The following PCDHGA4 variants were observed in gnomAD, a reference collection of about 807,000 sequenced individuals.
PCDHGA4 encodes the protein protocadherin gamma-A4.
Under a neutral mutation model 54.6 loss-of-function variants are expected in PCDHGA4, and 38 were observed. That is an observed-to-expected ratio of 0.70 (90% confidence interval 0.54 to 0.91). The LOEUF (loss-of-function observed/expected upper bound fraction) is 0.91, where lower values mean the gene tolerates loss of function less well. PCDHGA4 is among the 40% of genes least tolerant of loss of function. The pLI, the probability that PCDHGA4 is intolerant of heterozygous loss-of-function variation, is 0.00. For missense variants in PCDHGA4, 1,298 were observed against 1,220.9 expected (o/e 1.06, Z -0.94); for synonymous variants, 511 against 512.9 (o/e 1.00, Z 0.05).
In PCDHGA4 at chr5:141,489,514, C is replaced by T. The variant is rs141377711; in HGVS notation, c.2515-5293C>T. 63 of 1,613,926 alleles carry T rather than the reference C, an allele frequency of 3.9e-5. No homozygotes were observed. The highest frequency in any genetic ancestry group is 6.7e-5 in the Admixed American group (4 of 60,004). ...CCTGGCAGTGAATCAAAAGATTGAC[C>T]GAGAAAGCCTATGTGGAGCCAGCAC... On this transcript the variant is annotated intron_variant, in intron 1 of 3. Coordinates refer to ENST00000571252, the MANE Select transcript of PCDHGA4 (RefSeq NM_018917.4). This position sits in a 1 kb window ranked among gnomAD's most constrained non-coding sequence, Gnocchi z 4.5.
chr5:141,377,955 G>T (rs557013488), intron 1 of PCDHGA4: 12 of 152,140 alleles, frequency 7.9e-5, no homozygotes, highest in African/African-American at 2.9e-4. Flanking sequence ...GTGTATCCAG[G>T]GCAACTTGAA....
At chr5:141,471,046 C>G (rs960750377) in intron 1 of PCDHGA4, among the ~76,000 whole-genome samples, 3 of 113,280 alleles carry the variant, frequency 2.6e-5, no homozygotes, top group African/African-American at 1.1e-4. Context: ...CCCAAGCCCT[C>G]TTTTTTTTTT....
chr5:141,371,466 GA>G (rs756224078), intron 1 of PCDHGA4: 1 of 1,613,980 alleles, frequency 6.2e-7, no homozygotes, highest in Non-Finnish European at 8.5e-7. Context: ...ACATATACAA[GA>G]AGATGCTGAG....
At chr5:141,408,618 A>C (rs1264915663) in intron 1 of PCDHGA4, 1 of 1,614,024 alleles carries the variant, frequency 6.2e-7, no homozygotes, top group Admixed American at 1.7e-5. Flanking sequence ...AAGGAAATAC[A>C]TTTAGAAATT....
chr5:141,376,761 A>G (rs1179580742), intron 1 of PCDHGA4: 1 of 431,306 alleles, frequency 2.3e-6, no homozygotes, highest in African/African-American at 2.3e-5. Flanking sequence ...ATCTCGGCTC[A>G]CTGCAAGCTC....
In PCDHGA4 at chr5:141,485,308, A is replaced by G; in HGVS notation, c.2515-9499A>G. On this transcript the variant is annotated intron_variant, in intron 1 of 3. Coordinates refer to ENST00000571252, the MANE Select transcript of PCDHGA4 (RefSeq NM_018917.4). The surrounding 1 kb of genome is among the most constrained non-coding windows in gnomAD (Gnocchi z 5.7). ...AGGAGTCACAGGAAGGGACTTTTGTAGGGAATGTCGCTCAAGATTTCCTGC... is the reference window on the plus strand; with the variant it reads ...AGGAGTCACAGGAAGGGACTTTTGTGGGGAATGTCGCTCAAGATTTCCTGC... 6.2e-7 allele frequency: 1 copy of G among 1,614,112 alleles called. No individual in the cohort carries two copies. The highest frequency in any genetic ancestry group is 8.5e-7 in the Non-Finnish European group (1 of 1,179,996).
Position 141,492,511 on chromosome 5 carries a change from C to T in PCDHGA4, c.2515-2296C>T, listed in dbSNP as rs58889912. Among the ~76,000 whole-genome samples the T allele has an allele frequency of 1.7e-3, 262 of 152,326 alleles. 2 individuals are homozygous for T. The highest frequency in any genetic ancestry group is 6.0e-3 in the African/African-American group (249 of 41,582). On this transcript the variant is annotated intron_variant, in intron 1 of 3. Coordinates refer to ENST00000571252, the MANE Select transcript of PCDHGA4 (RefSeq NM_018917.4). Reference sequence around the variant, plus strand: ...CCAGGCGAGGACTCCGGAGCCTCCTCTCACCTCTCCCACCTGCGCCCCGGG... The same window carrying T: ...CCAGGCGAGGACTCCGGAGCCTCCTTTCACCTCTCCCACCTGCGCCCCGGG...
intron 3 of PCDHGA4, among the ~76,000 whole-genome samples, chr5:141,509,066 C>A (rs1215686419): frequency 6.6e-6 from 1 of 152,172 alleles, no homozygotes; most frequent in Non-Finnish European, 1.5e-5. Context: ...GCTCTCAGCT[C>A]CGGGGATTTG....
At chr5:141,451,557 G>T (rs192150041) in intron 1 of PCDHGA4, among the ~76,000 whole-genome samples, 2 of 152,234 alleles carry the variant, frequency 1.3e-5, no homozygotes, top group East Asian at 3.9e-4. Context: ...TGTGATGAAA[G>T]CCACAATCTT....
rs953397576 is a variant in PCDHGA4, at chr5:141,410,111, G to A, written c.2514+52490G>A. 6 of 1,612,264 alleles carry A rather than the reference G, an allele frequency of 3.7e-6. No homozygotes were observed. In the African/African-American group the frequency reaches 6.7e-5, roughly 18 times the overall value. On this transcript the variant is annotated intron_variant, in intron 1 of 3. Transcript: ENST00000571252. ...GGCTCGAGCCTTAGGCGACAGGGACGCAGCCCGCCAGCGCCTGCTGGTCGC... is the reference window on the plus strand; with the variant it reads ...GGCTCGAGCCTTAGGCGACAGGGACACAGCCCGCCAGCGCCTGCTGGTCGC...
At chr5:141,365,118 T>C (rs754097120) in intron 1 of PCDHGA4, 1 of 1,613,888 alleles carries the variant, frequency 6.2e-7, no homozygotes, top group Non-Finnish European at 8.5e-7. Context: ...CGGCTGCTCA[T>C]GCTAACCGCC....
intron 1 of PCDHGA4, chr5:141,384,713 C>T (rs1780398191): frequency 4.3e-6 from 7 of 1,614,104 alleles, no homozygotes; most frequent in Non-Finnish European, 5.9e-6. Context: ...GCCTGGCTGT[C>T]ATACCTCCTG....
chr5:141,418,928 A>T (rs762769886), intron 1 of PCDHGA4: 1 of 1,613,978 alleles, frequency 6.2e-7, no homozygotes, highest in East Asian at 2.2e-5. Context: ...TGATCAGATT[A>T]TGGAGGATTC....
rs1261694629 is a variant in PCDHGA4, at chr5:141,355,817, C to T, written c.710C>T (p.Ala237Val). 9.9e-6 allele frequency: 16 copies of T among 1,612,766 alleles called. No homozygotes were observed. Among genetic ancestry groups the T allele is most frequent in the African/African-American group, 5.3e-5 (4 of 74,906 alleles). Residue 237 changes from alanine (A) to valine (V), a missense_variant, in exon 1 of 4, where the codon GCG becomes GTG. Coordinates refer to ENST00000571252, the MANE Select transcript of PCDHGA4 (RefSeq NM_018917.4). ...LERALDREEEAVHHLVLTAFD... is the reference protein window; with the variant it reads ...LERALDREEEVVHHLVLTAFD... ...CGCGCTCTAGATCGCGAGGAAGAGGCGGTTCACCACCTCGTTCTCACGGCC... is the reference window on the plus strand; with the variant it reads ...CGCGCTCTAGATCGCGAGGAAGAGGTGGTTCACCACCTCGTTCTCACGGCC...
At chr5:141,366,184 G>T in intron 1 of PCDHGA4, 2 of 1,613,984 alleles carry the variant, frequency 1.2e-6, no homozygotes, top group South Asian at 1.1e-5. Flanking sequence ...GACTCTTTGC[G>T]GTTGGGCTGC....
chr5:141,402,785 CG>C, intron 1 of PCDHGA4: 1 of 904,572 alleles, frequency 1.1e-6, no homozygotes, highest in South Asian at 2.1e-5. Context: ...TCCAGTTCTG[CG>C]GCTACACAAA....
At chr5:141,481,346 C>T (rs2099536003) in intron 1 of PCDHGA4, among the ~76,000 whole-genome samples, 1 of 152,248 alleles carries the variant, frequency 6.6e-6, no homozygotes, top group Non-Finnish European at 1.5e-5. Context: ...ATTATTTAAA[C>T]ATCTACAGCT....
chr5:141,478,671 A>G (rs996413401), intron 1 of PCDHGA4: 19 of 1,551,538 alleles, frequency 1.2e-5, no homozygotes, highest in Non-Finnish European at 1.7e-5. Context: ...TCACACTTTC[A>G]ACTGGCCCTT....
intron 1 of PCDHGA4, chr5:141,366,063 C>G: frequency 6.2e-7 from 1 of 1,614,246 alleles, no homozygotes; most frequent in Non-Finnish European, 8.5e-7. Flanking sequence ...GTGGAGCTGG[C>G]GCCTCGCTCC....
Sources: gnomAD v4.1 joint callset for allele counts (sites outside exome capture counted in the v4.1 genomes callset) on GRCh38, gnomAD v4.1.1 for gene constraint, Gnocchi (gnomAD v3.1) non-coding constraint, MANE v1.5 for transcripts, NCBI Gene and HGNC (gene_info 2026-07-23, HGNC 2026-07-21) for gene names.